Variants in SPIDR observed in about 807,000 individuals in gnomAD.
The protein encoded by SPIDR is DNA repair-scaffolding protein.
In SPIDR, 93 loss-of-function variants were observed where a neutral mutation model predicts 104.6. That is an observed-to-expected ratio of 0.89 (90% CI 0.75 to 1.06). SPIDR has a LOEUF of 1.06. Ranked by LOEUF, SPIDR falls within the 50% of genes least tolerant of loss-of-function variation. SPIDR has a pLI of 0.00. For synonymous variants in SPIDR, 431 were observed against 416.9 expected, an observed-to-expected ratio of 1.03 and a Z score of -0.41; for missense variants, 1,154 against 1,111.2, an observed-to-expected ratio of 1.04 and a Z score of -0.55.
At chr8:47,546,988 G>T (rs2089510851) in intron 8 of SPIDR, 6 of 510,482 alleles carry the variant, frequency 1.2e-5, no homozygotes, top group South Asian at 8.0e-5. Flanking sequence ...AAAGATCAAG[G>T]GTGCCTCTCT....
intron 5 of SPIDR, among the ~76,000 whole-genome samples, chr8:47,304,499 T>G (rs2042786461): frequency 1.3e-5 from 2 of 152,236 alleles, no homozygotes; most frequent in South Asian, 4.1e-4. Flanking sequence ...AGACCTCGTC[T>G]CTATTAAAAA....
chr8:47,640,841 CTTT>C (rs57405701), intron 10 of SPIDR, among the ~76,000 whole-genome samples: 592 of 40,828 alleles, frequency 0.014, no homozygotes, highest in Non-Finnish European at 0.017. Flanking sequence ...CCACACCCAG[CTTT>C]TTTTTTTTTT....
At chr8:47,674,619 G>C (rs1685152140) in intron 11 of SPIDR, among the ~76,000 whole-genome samples, 1 of 152,090 alleles carries the variant, frequency 6.6e-6, no homozygotes, top group South Asian at 2.1e-4. Flanking sequence ...TAGCTCTCTT[G>C]TTGATGTTTA....
intron 14 of SPIDR, among the ~76,000 whole-genome samples, chr8:47,704,945 T>C (rs955434227): frequency 2.6e-5 from 4 of 152,202 alleles, no homozygotes; most frequent in Non-Finnish European, 5.9e-5. Flanking sequence ...TCAGTGTGTG[T>C]AGGGATGCCC....
intron 10 of SPIDR, among the ~76,000 whole-genome samples, chr8:47,640,784 TCTC>T (rs1221144638): frequency 3.5e-5 from 5 of 141,310 alleles, no homozygotes; most frequent in African/African-American, 7.8e-5. Context: ...TTCAAGCAGT[TCTC>T]CTGCCTCAGC....
At chr8:47,533,209 CAT>C (rs1168483571) in intron 8 of SPIDR, among the ~76,000 whole-genome samples, 16 of 151,858 alleles carry the variant, frequency 1.1e-4, no homozygotes, top group African/African-American at 3.6e-4. Flanking sequence ...TGAATTAAAT[CAT>C]AAATAGAAGG....
intron 7 of SPIDR, among the ~76,000 whole-genome samples, chr8:47,438,427 T>C (rs958037956): frequency 6.6e-6 from 1 of 152,230 alleles, no homozygotes; most frequent in African/African-American, 2.4e-5. Context: ...TACACACTGC[T>C]CTGGCTGCCC....
chr8:47,673,698 C>A, intron 10 of SPIDR, 103 bp from the exon 11 acceptor site: 3 of 1,445,118 alleles, frequency 2.1e-6, no homozygotes, highest in East Asian at 2.3e-5. Context: ...ATTGACCAGT[C>A]ACAGCAGTAT....
intron 7 of SPIDR, among the ~76,000 whole-genome samples, chr8:47,413,728 A>T (rs148824363): frequency 6.6e-6 from 1 of 152,086 alleles, no homozygotes; most frequent in East Asian, 1.9e-4. Context: ...TGGAGGTTTG[A>T]TGTTGGTGGG....
chr8:47,329,132 G>A (rs1486000571), intron 5 of SPIDR, among the ~76,000 whole-genome samples: 1 of 150,800 alleles, frequency 6.6e-6, no homozygotes, highest in Non-Finnish European at 1.5e-5. Flanking sequence ...GTGCAGTGGT[G>A]TAATCTCAGC....
chr8:47,263,392 C>CT (rs370260027), intron 1 of SPIDR, among the ~76,000 whole-genome samples: 35 of 149,032 alleles, frequency 2.3e-4, no homozygotes, highest in East Asian at 1.4e-3. Flanking sequence ...TGATTGAAAC[C>CT]TTTTTTTTTT....
chr8:47,378,910 T>G (rs782627841), intron 5 of SPIDR, among the ~76,000 whole-genome samples: 8 of 152,208 alleles, frequency 5.3e-5, no homozygotes, highest in Non-Finnish European at 1.2e-4. Context: ...TCAGCTTAAT[T>G]GTGAACAAGT....
At chr8:47,523,864 G>A (rs1013579451) in intron 8 of SPIDR, among the ~76,000 whole-genome samples, 3 of 152,160 alleles carry the variant, frequency 2.0e-5, no homozygotes, top group Non-Finnish European at 2.9e-5. Context: ...TACTTTTTGA[G>A]AGCTGTTTTG....
At chr8:47,411,445 G>A (rs1323876448) in intron 7 of SPIDR, among the ~76,000 whole-genome samples, 6 of 152,184 alleles carry the variant, frequency 3.9e-5, no homozygotes, top group Non-Finnish European at 7.3e-5. Flanking sequence ...TCTCTTGGCT[G>A]CATAAATGTC....
intron 8 of SPIDR, among the ~76,000 whole-genome samples, chr8:47,479,212 T>C (rs1219285322): frequency 1.3e-5 from 2 of 151,634 alleles, no homozygotes; most frequent in African/African-American, 4.8e-5. Context: ...TACAGAAAAT[T>C]AGCTGGAGTG....
At chr8:47,702,765 A>G (rs966994607) in intron 14 of SPIDR, among the ~76,000 whole-genome samples, 1 of 152,202 alleles carries the variant, frequency 6.6e-6, no homozygotes, top group East Asian at 1.9e-4. Context: ...TGCATCTGCC[A>G]TGGTGCAGGA....
intron 8 of SPIDR, among the ~76,000 whole-genome samples, chr8:47,584,392 C>T (rs2060054786): frequency 6.6e-6 from 1 of 152,132 alleles, no homozygotes; most frequent in Admixed American, 6.5e-5. Context: ...TCTGCAGAAA[C>T]AGGTAATATG....
chr8:47,583,862 T>G (rs2059995804), intron 8 of SPIDR, among the ~76,000 whole-genome samples: 1 of 152,186 alleles, frequency 6.6e-6, no homozygotes, highest in Admixed American at 6.6e-5. Context: ...TCCTAGCAGC[T>G]CCCAGAGGGG....
rs1563710424 is a variant in SPIDR, at chr8:47,735,521, AGTT to A, written c.*72_*74del. On this transcript the variant is annotated 3_prime_UTR_variant, in exon 20 of 20. Coordinates refer to ENST00000297423, the MANE Select transcript of SPIDR (RefSeq NM_001080394.4). ...GGTGGTGGTGGTGGTGATTTGGGGT[AGTT>A]ATTTGTTAACTATGGACACAGTGAA... The A allele has an allele frequency of 6.2e-7, 1 of 1,608,728 alleles. No homozygotes were observed. Among genetic ancestry groups the A allele is most frequent in the East Asian group, 2.2e-5 (1 of 44,712 alleles).
Sources: allele counts gnomAD v4.1 joint callset (sites outside exome capture counted in the v4.1 genomes callset), GRCh38; gene constraint gnomAD v4.1.1; transcripts MANE v1.5; gene names NCBI Gene and HGNC (gene_info 2026-07-23, HGNC 2026-07-21).